The following GPC5 variants were observed in gnomAD, a reference collection of about 807,000 sequenced individuals.
The protein encoded by GPC5 is glypican-5.
A neutral mutation model predicts 53.9 loss-of-function variants in GPC5; 47 were observed. The observed-to-expected ratio is 0.87, with a 90% CI of 0.69 to 1.11. The LOEUF (loss-of-function observed/expected upper bound fraction) is 1.11, where lower values mean the gene tolerates loss of function less well. GPC5 is among the 50% of genes most tolerant of loss of function. The probability of loss-of-function intolerance (pLI) is 0.00; values close to 1 mark genes in which losing one functional copy is unlikely to be tolerated. For synonymous variants in GPC5, 286 were observed against 263.3 expected (o/e 1.09, Z -0.84); for missense variants, 748 against 713.1 (o/e 1.05, Z -0.56).
intron 7 of GPC5, among the ~76,000 whole-genome samples, chr13:92,198,431 G>A (rs1250006559): frequency 6.6e-6 from 1 of 152,068 alleles, no homozygotes; most frequent in Non-Finnish European, 1.5e-5. Flanking sequence ...CTTTCTTAAT[G>A]AATGATGATT....
intron 7 of GPC5, among the ~76,000 whole-genome samples, chr13:92,273,418 G>C (rs1010159109): frequency 6.6e-5 from 10 of 152,026 alleles, no homozygotes; most frequent in Non-Finnish European, 5.9e-5. Context: ...TTTGTAAACA[G>C]GGATAATAAT....
At chr13:91,827,324 A>T (rs1466223417) in intron 5 of GPC5, among the ~76,000 whole-genome samples, 2 of 152,022 alleles carry the variant, frequency 1.3e-5, no homozygotes, top group South Asian at 4.1e-4. Flanking sequence ...CATTAAAAAT[A>T]CCATGTAAAC....
At chr13:91,738,043 T>C (rs7328172) in intron 4 of GPC5, among the ~76,000 whole-genome samples, 11,174 of 151,296 alleles carry the variant, frequency 0.074, 693 homozygotes, top group African/African-American at 0.11. Context: ...TAGTGGGTAG[T>C]GAAGACAAAC....
chr13:92,259,462 G>C (rs1168521170), intron 7 of GPC5, among the ~76,000 whole-genome samples: 1 of 152,096 alleles, frequency 6.6e-6, no homozygotes, highest in Non-Finnish European at 1.5e-5. Context: ...AACTCCAGTG[G>C]TCCTATTTCC....
chr13:91,820,291 A>C (rs1002443616), intron 5 of GPC5, among the ~76,000 whole-genome samples: 1 of 152,120 alleles, frequency 6.6e-6, no homozygotes, highest in African/African-American at 2.4e-5. Context: ...GGAGGCTTTA[A>C]AATTTAGTCT....
chr13:92,265,892 GCACC>G (rs1343096451), intron 7 of GPC5, among the ~76,000 whole-genome samples: 2 of 152,230 alleles, frequency 1.3e-5, no homozygotes, highest in Non-Finnish European at 2.9e-5. Context: ...CAAGGGGCCA[GCACC>G]TGGCAAGGGG....
intron 7 of GPC5, among the ~76,000 whole-genome samples, chr13:92,544,548 T>G (rs1882037149): frequency 6.6e-6 from 1 of 152,184 alleles, no homozygotes; most frequent in Admixed American, 6.5e-5. Context: ...TCTCAGCTCT[T>G]ACTGTCTTAT....
chr13:91,674,613 G>A (rs965619160), intron 2 of GPC5, among the ~76,000 whole-genome samples: 3 of 146,486 alleles, frequency 2.0e-5, no homozygotes, highest in Non-Finnish European at 4.5e-5. Context: ...ATATGCGTAT[G>A]TGTATATATA....
intron 6 of GPC5, among the ~76,000 whole-genome samples, chr13:91,946,057 T>C (rs2039971870): frequency 6.6e-6 from 1 of 152,102 alleles, no homozygotes; most frequent in African/African-American, 2.4e-5. Context: ...GTTCATGTAT[T>C]TGCTTGTGAG....
chr13:91,679,858 AT>A (rs996156449), intron 2 of GPC5, among the ~76,000 whole-genome samples: 1 of 152,180 alleles, frequency 6.6e-6, no homozygotes, highest in Non-Finnish European at 1.5e-5. Flanking sequence ...CCAAAGAGTA[AT>A]GGCTCTCTCA....
chr13:92,480,499 A>G (rs1879307494), intron 7 of GPC5, among the ~76,000 whole-genome samples: 1 of 152,204 alleles, frequency 6.6e-6, no homozygotes, highest in Non-Finnish European at 1.5e-5. Context: ...GGTTACCTGT[A>G]TCATATAAGA....
intron 7 of GPC5, among the ~76,000 whole-genome samples, chr13:92,679,332 TG>T (rs1308065418): frequency 6.6e-6 from 1 of 152,242 alleles, no homozygotes; most frequent in African/African-American, 2.4e-5. Flanking sequence ...TTTATTTTAT[TG>T]TATTTAATTC....
At chr13:92,105,171 T>C (rs1281229906) in intron 6 of GPC5, among the ~76,000 whole-genome samples, 2 of 152,052 alleles carry the variant, frequency 1.3e-5, no homozygotes, top group African/African-American at 4.8e-5. Context: ...CTTCTTGTCT[T>C]AGAGGCACTG....
chr13:91,924,703 T>G (rs1203156071), intron 6 of GPC5, among the ~76,000 whole-genome samples: 1 of 152,160 alleles, frequency 6.6e-6, no homozygotes, highest in Non-Finnish European at 1.5e-5. Flanking sequence ...ATTATGCCAC[T>G]GCATTCCAGC....
chr13:92,385,893 C>T (rs1274313248), intron 7 of GPC5, among the ~76,000 whole-genome samples: 1 of 148,504 alleles, frequency 6.7e-6, no homozygotes, highest in Non-Finnish European at 1.5e-5. Flanking sequence ...AAAACATACC[C>T]AAGTGACTCA....
At chr13:92,580,798 T>C (rs1366418052) in intron 7 of GPC5, among the ~76,000 whole-genome samples, 1 of 152,040 alleles carries the variant, frequency 6.6e-6, no homozygotes, top group Admixed American at 6.6e-5. Flanking sequence ...TCATGAGAAA[T>C]TCACCTCCAT....
chr13:91,890,374 A>G (rs1480280913), intron 5 of GPC5, among the ~76,000 whole-genome samples: 1 of 152,066 alleles, frequency 6.6e-6, no homozygotes, highest in Non-Finnish European at 1.5e-5. Context: ...TTTGATCAAG[A>G]TCTTTCCCTA....
chr13:92,039,735 G>T (rs1378810141), intron 6 of GPC5, among the ~76,000 whole-genome samples: 1 of 152,052 alleles, frequency 6.6e-6, no homozygotes, highest in Non-Finnish European at 1.5e-5. Context: ...CTGCCTTCTG[G>T]CTATACCTTC....
At chr13:91,641,464 G>T (rs1438351105) in intron 2 of GPC5, among the ~76,000 whole-genome samples, 1 of 152,170 alleles carries the variant, frequency 6.6e-6, no homozygotes, top group Non-Finnish European at 1.5e-5. Flanking sequence ...CTGTTGTGGG[G>T]TGGGGTTAGG....
Sources: gnomAD v4.1 joint callset for allele counts (sites outside exome capture counted in the v4.1 genomes callset) on GRCh38, gnomAD v4.1.1 for gene constraint, MANE v1.5 for transcripts, NCBI Gene and HGNC (gene_info 2026-07-23, HGNC 2026-07-21) for gene names.